The following PSTK variants were observed in gnomAD, a reference collection of about 807,000 sequenced individuals.
PSTK encodes phosphoseryl-tRNA kinase, also known as L-seryl-tRNA(Sec) kinase.
Under a neutral mutation model 38.6 loss-of-function variants are expected in PSTK, and 26 were observed. That is an observed-to-expected ratio of 0.67 (90% CI 0.49 to 0.94). The LOEUF (loss-of-function observed/expected upper bound fraction) is 0.94. Among genes scored for constraint, PSTK ranks in the 40% least tolerant of loss-of-function variants. The pLI is 0.00. For synonymous variants in PSTK, 181 were observed against 161.7 expected (o/e 1.12, Z -0.91); for missense variants, 445 against 436.3 (o/e 1.02, Z -0.18).
intron 2 of PSTK, 116 bp from the exon 3 acceptor site, chr10:122,983,156 A>T: frequency 8.4e-7 from 1 of 1,192,434 alleles, no homozygotes; most frequent in African/African-American, 1.5e-5. Context: ...CTAGATGTTC[A>T]GTATTGCAAA....
chr10:122,983,641 T>A, intron 3 of PSTK, 171 bp downstream of exon 3: 1 of 614,632 alleles, frequency 1.6e-6, no homozygotes, highest in Non-Finnish European at 2.8e-6. Flanking sequence ...TCCAGAAAGA[T>A]TTGAACCCAA....
intron 5 of PSTK, among the ~76,000 whole-genome samples, chr10:122,988,201 G>C (rs1175052284): frequency 1.3e-5 from 2 of 152,050 alleles, no homozygotes; most frequent in African/African-American, 4.8e-5. Flanking sequence ...CAGAGGACCG[G>C]AACAGAAATG....
In PSTK at chr10:122,986,345, A is replaced by C. The variant is rs759155305; in HGVS notation, c.753A>C (p.Val251=). The change falls in exon 4 of 6, where the codon GTA becomes GTC. Residue 251 remains valine, a synonymous_variant. Transcript: ENST00000406217. The part of the protein sequence containing the change: ...DLLLTALENP[V]KYAEDNMEQK... ...TGCTCACTGCTTTGGAAAATCCAGT[A>C]AAATATGCTGAGGACAATATGGAAC... 1 of 1,612,054 alleles carries C rather than the reference A, an allele frequency of 6.2e-7. No individual in the cohort carries two copies. The highest frequency in any genetic ancestry group is 1.1e-5 in the South Asian group (1 of 90,994).
chr10:122,980,659 C>A lies in PSTK; in HGVS notation c.180C>A (p.Pro60=), dbSNP rs745842655. 6.3e-7 allele frequency: 1 copy of A among 1,598,140 alleles called. No individual in the cohort carries two copies. ...TTGTCGCGTATGATGACGTCATGCC[C>A]GACGCGTTTCTCGCCGGGGCAAGAG... ...IGVVAYDDVM[P]DAFLAGARAR... The change falls in exon 1 of 6, where the codon CCC becomes CCA. Residue 60 remains proline, a synonymous_variant. Coordinates refer to ENST00000406217, the MANE Select transcript of PSTK (RefSeq NM_001363531.2). This position sits in a 1 kb window ranked among gnomAD's most constrained non-coding sequence, Gnocchi z 4.3.
chr10:122,987,235 G>A (rs933921315), intron 5 of PSTK: 7 of 1,453,908 alleles, frequency 4.8e-6, no homozygotes, highest in Non-Finnish European at 6.5e-6. Context: ...CTAATGAGGA[G>A]ACAGACAAAA....
intron 2 of PSTK, 93 bp downstream of exon 2, chr10:122,983,117 G>A: frequency 7.7e-7 from 1 of 1,299,490 alleles, no homozygotes; most frequent in Non-Finnish European, 1.1e-6. Flanking sequence ...TTGATTAGGA[G>A]GTTATGTAGA....
chr10:122,990,125 G>A lies in PSTK; in HGVS notation c.878-49G>A, dbSNP rs112872935. On this transcript the variant is annotated intron_variant, in intron 5 of 5. Transcript: ENST00000406217. ...ATTTCCTAATGTCATTAGACACCCC[G>A]GATTACTTTAATTTACACCAGTAAT... is the stretch of plus-strand genomic sequence containing the variant. The A allele has an allele frequency of 0.022, 27,710 of 1,242,318 alleles. 368 individuals are homozygous for A. The highest frequency in any genetic ancestry group is 0.026 in the Non-Finnish European group (23,507 of 899,856). 77.0% of individuals were successfully genotyped at this position (1,242,318 alleles called of 1,614,324 possible). A position where few individuals can be genotyped will look rare whatever the true frequency, so the allele number is the denominator to read the frequency against.
Position 122,990,294 on chromosome 10 carries a change from T to C in PSTK, c.998T>C (p.Ile333Thr), listed in dbSNP as rs541164934. ...NKKYLCFQQT[I>T]DIPDVISFFH... is the part of the protein sequence containing the mutation. The stretch of plus-strand genomic sequence containing the variant: ...AAATATCTGTGCTTTCAGCAAACCA[T>C]TGACATACCAGATGTCATTTCTTTT... Residue 333 changes from isoleucine (I) to threonine (T), a missense_variant, in exon 6 of 6, where the codon ATT (isoleucine) becomes ACT (threonine). Physicochemically the swap from Ile to Thr is moderately conservative, Grantham distance 89 (BLOSUM62 -1). Transcript: ENST00000406217. 42 of 1,534,148 alleles carry C rather than the reference T, an allele frequency of 2.7e-5. No individual in the cohort carries two copies. The highest frequency in any genetic ancestry group is 1.2e-4 in the South Asian group (10 of 80,364).
intron 4 of PSTK, 31 bp downstream of exon 4, chr10:122,986,406 G>T: frequency 1.4e-6 from 2 of 1,436,044 alleles, no homozygotes; most frequent in South Asian, 2.3e-5. Flanking sequence ...TAATGTAAAT[G>T]AGAAGGAACA....
Position 122,982,754 on chromosome 10 carries a change from C to T in PSTK, c.238C>T (p.Arg80Ter), listed in dbSNP as rs759975765. Residue 80 changes from arginine (R) to a stop codon, truncating the protein, a stop_gained, in exon 2 of 6, where the codon CGA becomes TGA. Coordinates refer to ENST00000406217, the MANE Select transcript of PSTK (RefSeq NM_001363531.2). LOFTEE classifies it high-confidence loss of function. ...RPAPSQWKLL[R>*]QELLKYLEYF... The stretch of plus-strand genomic sequence containing the variant: ...GTAGCCATCCCAATGGAAATTGCTT[C>T]GACAGGAACTGTTGAAGTACCTGGA... 8.1e-6 allele frequency: 13 copies of T among 1,613,946 alleles called. No homozygotes were observed. In the East Asian group the frequency reaches 8.9e-5, roughly 11 times the overall value.
rs9423300 is a variant in PSTK at position 122,990,021 on chromosome 10, T to G, written c.878-153T>G. Among the ~76,000 whole-genome samples, 1,478 of 152,354 alleles carry G rather than the reference T, an allele frequency of 9.7e-3. 10 individuals carry two copies. The highest frequency in any genetic ancestry group is 0.016 in the Non-Finnish European group (1,112 of 68,026). ...TTTCAGATGATTTTTGAGTATCACA[T>G]TGAGACCTTTTTTCTATATATTACA... On this transcript the variant is annotated intron_variant, in intron 5 of 5. Coordinates refer to ENST00000406217, the MANE Select transcript of PSTK (RefSeq NM_001363531.2).
In PSTK at chr10:122,990,223, C is replaced by G. The variant is rs904043044; in HGVS notation, c.927C>G (p.Asn309Lys). The G allele has an allele frequency of 4.6e-6, 7 of 1,534,796 alleles. No individual in the cohort carries two copies. Among genetic ancestry groups the G allele is most frequent in the Non-Finnish European group, 6.1e-6 (7 of 1,142,872 alleles). Residue 309 changes from asparagine (N) to lysine (K), a missense_variant, in exon 6 of 6, where the codon AAC becomes AAG. Coordinates refer to ENST00000406217, the MANE Select transcript of PSTK (RefSeq NM_001363531.2). Reference protein sequence around the residue: ...HNLKLLAEELNKLKAEFLEDL... With the variant: ...HNLKLLAEELKKLKAEFLEDL... ...TGAAGCTTCTAGCAGAAGAACTTAA[C>G]AAGCTCAAAGCAGAGTTTTTGGAAG...
In PSTK at chr10:122,986,384, C is replaced by G. The variant is rs373166525; in HGVS notation, c.783+9C>G. ...ACAATATGGAACAAAAGGTAAACTTCCAGTGTAAATTTAATGTAAATGAGA... is the reference window on the plus strand; with the variant it reads ...ACAATATGGAACAAAAGGTAAACTTGCAGTGTAAATTTAATGTAAATGAGA... On this transcript the variant is annotated intron_variant, in intron 4 of 5. Coordinates refer to ENST00000406217, the MANE Select transcript of PSTK (RefSeq NM_001363531.2). 4.4e-6 allele frequency: 7 copies of G among 1,581,680 alleles called. No individual in the cohort carries two copies. The highest frequency in any genetic ancestry group is 1.7e-5 in the Admixed American group (1 of 59,932).
At chr10:122,981,012 G>A (rs1429070622) in intron 1 of PSTK, among the ~76,000 whole-genome samples, 1 of 152,236 alleles carries the variant, frequency 6.6e-6, no homozygotes, top group Non-Finnish European at 1.5e-5. Flanking sequence ...TCTCAAGTCA[G>A]CGTGCAAGGT....
In PSTK at chr10:122,980,968, T is replaced by G; in HGVS notation, c.216+273T>G. On this transcript the variant is annotated intron_variant, in intron 1 of 5. Coordinates refer to ENST00000406217, the MANE Select transcript of PSTK (RefSeq NM_001363531.2). This position sits in a 1 kb window ranked among gnomAD's most constrained non-coding sequence, Gnocchi z 4.3. ...ATTTGATGCATGTATATGTTGTATA[T>G]TCTATACAGTTGAGTCTTCAGACAG... 2 of 315,698 alleles carry G rather than the reference T, an allele frequency of 6.3e-6. No homozygotes were observed. The highest frequency in any genetic ancestry group is 9.2e-6 in the Non-Finnish European group (2 of 217,826). 19.6% of individuals were successfully genotyped at this position (315,698 alleles called of 1,614,324 possible). A position where few individuals can be genotyped will look rare whatever the true frequency, so the allele number is the denominator to read the frequency against.
chr10:122,981,065 G>C (rs1450844076), intron 1 of PSTK, among the ~76,000 whole-genome samples: 1 of 152,208 alleles, frequency 6.6e-6, no homozygotes, highest in African/African-American at 2.4e-5. Context: ...AATCCCTTAG[G>C]AAGTTTCTCC....
Position 122,980,723 on chromosome 10 carries a change from C to CGCGGG in PSTK, c.216+60_216+64dup, listed in dbSNP as rs57636916. On this transcript the variant is annotated intron_variant, in intron 1 of 5. Transcript: ENST00000406217. The surrounding 1 kb of genome is among the most constrained non-coding windows in gnomAD (Gnocchi z 4.3). Reference sequence around the variant, plus strand: ...CAGCACGGAGGGGCGGGGCCTGGGCCGCGGGGCGGGGCGGGGCGGGGCGGG... The same window carrying CGCGGG: ...CAGCACGGAGGGGCGGGGCCTGGGCCGCGGGGCGGGGCGGGGCGGGGCGGGGCGGG... 0.084 allele frequency: 55,079 copies of CGCGGG among 658,830 alleles called. 3,908 individuals carry two copies. Among genetic ancestry groups the CGCGGG allele is most frequent in the East Asian group, 0.13 (745 of 5,844 alleles). The allele number at this position is 658,830 out of a possible 1,614,324, so 40.8% of individuals were successfully genotyped here.
chr10:122,988,245 CAGG>C (rs1269576182), intron 5 of PSTK, among the ~76,000 whole-genome samples: 3 of 152,038 alleles, frequency 2.0e-5, no homozygotes, highest in African/African-American at 4.8e-5. Context: ...AAAATAGTTC[CAGG>C]AGTTCTCACT....
chr10:122,986,454 T>C, intron 4 of PSTK, 79 bp downstream of exon 4: 3 of 1,046,138 alleles, frequency 2.9e-6, no homozygotes. Flanking sequence ...GAATATAAAA[T>C]GTGAGTGAAA....
Sources: gnomAD v4.1 joint callset for allele counts (sites outside exome capture counted in the v4.1 genomes callset) on GRCh38, gnomAD v4.1.1 for gene constraint, Gnocchi (gnomAD v3.1) non-coding constraint, MANE v1.5 for transcripts, NCBI Gene and HGNC (gene_info 2026-07-23, HGNC 2026-07-21) for gene names.